Variants in YBX2 observed in about 807,000 individuals in gnomAD.
The protein encoded by YBX2 is Y-box binding protein 2, also known as Y-box-binding protein 2.
YBX2 carries 5 observed loss-of-function variants against 44.4 expected under a neutral mutation model. The observed-to-expected ratio is 0.11, with a 90% CI of 0.06 to 0.24. YBX2 has a LOEUF of 0.24. YBX2 is among the 10% of genes least tolerant of loss of function. The probability of loss-of-function intolerance (pLI) is 1.00; values close to 1 mark genes in which losing one functional copy is unlikely to be tolerated. For synonymous variants in YBX2, 188 were observed against 216.1 expected, an observed-to-expected ratio of 0.87 and a Z score of 1.14; for missense variants, 417 against 526.9, an observed-to-expected ratio of 0.79 and a Z score of 2.04.
At position 7,293,618 on chromosome 17, in the gene YBX2, C is replaced by CA. The variant is rs201968708; in HGVS notation, c.272-81dup. 4.1e-3 allele frequency: 6,582 copies of CA among 1,587,336 alleles called. 19 individuals carry two copies. The highest frequency in any genetic ancestry group is 5.1e-3 in the Non-Finnish European group (5,990 of 1,167,674). On this transcript the variant is annotated intron_variant, in intron 1 of 8. Transcript: ENST00000007699. Reference sequence around the variant, plus strand: ...AACTCAGTTTTGAGACACTCCAAAACAAAAAAAAATCTAGCCTACTGCCTT... The same window carrying CA: ...AACTCAGTTTTGAGACACTCCAAAACAAAAAAAAAATCTAGCCTACTGCCTT...
intron 4 of YBX2, 40 bp from the exon 5 acceptor site, chr17:7,290,575 C>G: frequency 6.2e-7 from 1 of 1,600,854 alleles, no homozygotes; most frequent in Non-Finnish European, 8.5e-7. Flanking sequence ...CCTGCTCCAA[C>G]AGCCAATGTG....
Position 7,289,742 on chromosome 17 carries a change from G to A in YBX2, c.849-17C>T, listed in dbSNP as rs1463791267. 1 of 1,613,134 alleles carries A rather than the reference G, an allele frequency of 6.2e-7. No homozygotes were observed. The highest frequency in any genetic ancestry group is 1.7e-5 in the Admixed American group (1 of 60,018). On this transcript the variant is annotated splice_polypyrimidine_tract_variant and intron_variant, in intron 6 of 8. Coordinates refer to ENST00000007699, the MANE Select transcript of YBX2 (RefSeq NM_015982.4). ...CGGAAAGGCCTAAGGCAAGGAACAA[G>A]GCTCTGAGGGGACCAGGGAATACTC...
intron 7 of YBX2, 52 bp from the exon 8 acceptor site, chr17:7,288,890 G>C: frequency 2.5e-6 from 4 of 1,604,724 alleles, no homozygotes; most frequent in South Asian, 1.1e-5. Flanking sequence ...TTTTGAGACA[G>C]AGTCTCACTC....
chr17:7,289,812 C>T, intron 6 of YBX2, 87 bp from the exon 7 acceptor site: 3 of 1,597,968 alleles, frequency 1.9e-6, no homozygotes, highest in Non-Finnish European at 2.6e-6. Context: ...CTCCAGGAGC[C>T]AGGCTTCCAG....
intron 7 of YBX2, among the ~76,000 whole-genome samples, chr17:7,289,211 C>T (rs2072478024): frequency 6.6e-6 from 1 of 151,814 alleles, no homozygotes; most frequent in Non-Finnish European, 1.5e-5. Flanking sequence ...CACTTTTTCC[C>T]TTCCCATTAA....
intron 2 of YBX2, chr17:7,292,301 G>A (rs974479859): frequency 9.2e-6 from 5 of 541,610 alleles, no homozygotes; most frequent in Non-Finnish European, 1.3e-5. Flanking sequence ...AGGGCAGGCT[G>A]GGGAGGCAAA....
chr17:7,289,558 G>C lies in YBX2; in HGVS notation c.1016C>G (p.Pro339Arg). 6.2e-7 allele frequency: 1 copy of C among 1,605,216 alleles called. No individual in the cohort carries two copies. The highest frequency in any genetic ancestry group is 8.5e-7 in the Non-Finnish European group (1 of 1,177,076). Residue 339 changes from proline to arginine, a missense_variant, in exon 7 of 9, where the codon CCT becomes CGT. Physicochemically the swap from Pro to Arg is moderately radical, Grantham distance 103. This residue lies in a region of YBX2 where 257 missense variants were observed against 261.7 expected (regional missense o/e 0.98). Coordinates refer to ENST00000007699, the MANE Select transcript of YBX2 (RefSeq NM_015982.4). ...RQQAPGPQQA[P>R]GPRQPAAPET... is the part of the protein sequence containing the mutation. Reference sequence around the variant, plus strand: ...AGGGGCTGCGGGCTGCCGGGGGCCAGGGGCCTGCTGGGGGCCAGGGGCCTG... The same window carrying C: ...AGGGGCTGCGGGCTGCCGGGGGCCACGGGCCTGCTGGGGGCCAGGGGCCTG...
At chr17:7,288,891 AG>A in intron 7 of YBX2, 53 bp from the exon 8 acceptor site, 1 of 1,605,156 alleles carries the variant, frequency 6.2e-7, no homozygotes. Context: ...TTTGAGACAG[AG>A]TCTCACTCCA....
At position 7,291,590 on chromosome 17, in the gene YBX2, C is replaced by T; in HGVS notation, c.370-408G>A. The T allele has an allele frequency of 2.6e-6, 1 of 386,788 alleles. No homozygotes were observed. The highest frequency in any genetic ancestry group is 2.2e-5 in the South Asian group (1 of 45,078). The allele number at this position is 386,788 out of a possible 1,614,324, so 24.0% of individuals were successfully genotyped here. A position where few individuals can be genotyped will look rare whatever the true frequency, so the allele number is the denominator to read the frequency against. On this transcript the variant is annotated intron_variant, in intron 3 of 8. Transcript: ENST00000007699. The surrounding 1 kb of genome is among the most constrained non-coding windows in gnomAD (Gnocchi z 5.8). ...GTGGTTCTCAAGCTGTAGCGTGCATCAGAATCACCTGGAGAGCTCGTTAAA... is the reference window on the plus strand; with the variant it reads ...GTGGTTCTCAAGCTGTAGCGTGCATTAGAATCACCTGGAGAGCTCGTTAAA...
rs1597605529 is a variant in YBX2, at chr17:7,294,566, A to C, written c.-66T>G. ...GCCCCTCCCCCCGGCTCGCGAACCC[A>C]CCGCCCTGCTCGGTCCTCGCGCCCC... is the stretch of plus-strand genomic sequence containing the variant. On this transcript the variant is annotated 5_prime_UTR_variant, in exon 1 of 9. Coordinates refer to ENST00000007699, the MANE Select transcript of YBX2 (RefSeq NM_015982.4). This position sits in a 1 kb window ranked among gnomAD's most constrained non-coding sequence, Gnocchi z 4.6. 3 of 1,312,532 alleles carry C rather than the reference A, an allele frequency of 2.3e-6. No homozygotes were observed. Among genetic ancestry groups the C allele is most frequent in the Non-Finnish European group, 1.9e-6 (2 of 1,034,440 alleles). The allele number at this position is 1,312,532 out of a possible 1,614,324, so 81.3% of individuals were successfully genotyped here. A position where few individuals can be genotyped will look rare whatever the true frequency, so the allele number is the denominator to read the frequency against.
intron 2 of YBX2, chr17:7,292,592 G>A (rs1028707815): frequency 1.2e-5 from 2 of 168,384 alleles, no homozygotes; most frequent in African/African-American, 4.8e-5. Flanking sequence ...CCTCAGCCTG[G>A]AGGTGAATCC....
At chr17:7,290,789 C>G (rs1300948481) in intron 4 of YBX2, among the ~76,000 whole-genome samples, 1 of 152,206 alleles carries the variant, frequency 6.6e-6, no homozygotes, top group Admixed American at 6.5e-5. Flanking sequence ...TGGCAGCCAG[C>G]ATCCACCTTT....
rs1567604803 is a variant in YBX2, at chr17:7,291,006, GC to G, written c.459+86del. The G allele has an allele frequency of 1.5e-6, 2 of 1,326,898 alleles. No homozygotes were observed. The highest frequency in any genetic ancestry group is 1.1e-6 in the Non-Finnish European group (1 of 920,130). The allele number at this position is 1,326,898 out of a possible 1,614,324, so 82.2% of individuals were successfully genotyped here. On this transcript the variant is annotated intron_variant, in intron 4 of 8. Coordinates refer to ENST00000007699, the MANE Select transcript of YBX2 (RefSeq NM_015982.4). The surrounding 1 kb of genome is among the most constrained non-coding windows in gnomAD (Gnocchi z 5.8). ...ATTCCCGCAGAACGGGTCAGAGCTG[GC>G]CCCAGGAGGGTCTTAGCCTGTGATG... is the stretch of plus-strand genomic sequence containing the variant.
chr17:7,293,661 C>T, intron 1 of YBX2, 123 bp from the exon 2 acceptor site: 1 of 1,543,720 alleles, frequency 6.5e-7, no homozygotes, highest in Non-Finnish European at 8.8e-7. Context: ...ATTCAGGTTA[C>T]CTTCAAGCCA....
intron 7 of YBX2, 148 bp from the exon 8 acceptor site, chr17:7,288,986 CAAGT>C: frequency 9.8e-7 from 1 of 1,019,910 alleles, no homozygotes; most frequent in Non-Finnish European, 1.5e-6. Context: ...CTTAGCCTCC[CAAGT>C]AGCTGGGATT....
In YBX2 at chr17:7,290,000, G is replaced by C. The variant is rs760981602; in HGVS notation, c.816C>G (p.Val272=). The change falls in exon 6 of 9, where the codon GTC becomes GTG. Residue 272 remains valine, a synonymous_variant. Transcript: ENST00000007699. ...EGHQQQGDER[V]PPPRFRPRYR... ...ACCTGGGCCGGAATCTGGGCGGGGG[G>C]ACTCGCTCATCTCCCTGCTGTTGGT... 2 of 1,614,234 alleles carry C rather than the reference G, an allele frequency of 1.2e-6. No homozygotes were observed. The highest frequency in any genetic ancestry group is 1.7e-6 in the Non-Finnish European group (2 of 1,180,034).
At position 7,291,289 on chromosome 17, in the gene YBX2, G is replaced by T; in HGVS notation, c.370-107C>A. 1 of 1,125,356 alleles carries T rather than the reference G, an allele frequency of 8.9e-7. No homozygotes were observed. Among genetic ancestry groups the T allele is most frequent in the Non-Finnish European group, 1.3e-6 (1 of 754,548 alleles). The allele number at this position is 1,125,356 out of a possible 1,614,324, so 69.7% of individuals were successfully genotyped here. A position where few individuals can be genotyped will look rare whatever the true frequency, so the allele number is the denominator to read the frequency against. On this transcript the variant is annotated intron_variant, in intron 3 of 8. Transcript: ENST00000007699. The surrounding 1 kb of genome is among the most constrained non-coding windows in gnomAD (Gnocchi z 5.8). ...TCATTCTTTCAACATTTGACTTGGG[G>T]TCTAGAGCTGGAGGGTGGAGCAAGG...
chr17:7,292,676 A>G (rs1428821855), intron 2 of YBX2: 2 of 151,694 alleles, frequency 1.3e-5, no homozygotes, highest in East Asian at 2.0e-4. Flanking sequence ...ATTCTCTATC[A>G]TAAGAACCCC....
Position 7,291,712 on chromosome 17 carries a change from C to T in YBX2, c.369+314G>A. On this transcript the variant is annotated intron_variant, in intron 3 of 8. Transcript: ENST00000007699. The surrounding 1 kb of genome is among the most constrained non-coding windows in gnomAD (Gnocchi z 5.8). Reference sequence around the variant, plus strand: ...TCAGGTGATGCTGCTGCCGCTGGTGCAGGGGCCACGCTTTGAGAACCACTG... The same window carrying T: ...TCAGGTGATGCTGCTGCCGCTGGTGTAGGGGCCACGCTTTGAGAACCACTG... 2.3e-6 allele frequency: 1 copy of T among 443,398 alleles called. No individual in the cohort carries two copies. The highest frequency in any genetic ancestry group is 4.2e-6 in the Non-Finnish European group (1 of 239,192). 27.5% of individuals were successfully genotyped at this position (443,398 alleles called of 1,614,324 possible). A position where few individuals can be genotyped will look rare whatever the true frequency, so the allele number is the denominator to read the frequency against.
Sources: allele counts gnomAD v4.1 joint callset (sites outside exome capture counted in the v4.1 genomes callset), GRCh38; gene constraint gnomAD v4.1.1; regional missense constraint gnomAD v4.1.1; non-coding constraint Gnocchi (gnomAD v3.1); transcripts MANE v1.5; gene names NCBI Gene and HGNC (gene_info 2026-07-23, HGNC 2026-07-21).